SHOX: variants seen among roughly 807,000 people sequenced by gnomAD.
SHOX encodes the protein SHOX homeobox.
SHOX carries 12 observed loss-of-function variants against 29.6 expected under a neutral mutation model. The observed-to-expected ratio is 0.41, with a 90% CI of 0.26 to 0.66. The LOEUF (loss-of-function observed/expected upper bound fraction) is 0.66, where lower values mean the gene tolerates loss of function less well. Among genes scored for constraint, SHOX ranks in the 30% least tolerant of loss-of-function variants. The probability of loss-of-function intolerance (pLI) is 0.35; values close to 1 mark genes in which losing one functional copy is unlikely to be tolerated. For synonymous variants in SHOX, 214 were observed against 200.6 expected (o/e 1.07, Z -0.57); for missense variants, 499 against 437.7 (o/e 1.14, Z -1.25).
chrX:652,882 C>CCTTGACCAAG (rs111482286), downstream of SHOX, among the ~76,000 whole-genome samples: 121,298 of 151,648 alleles, frequency 0.8, 48,683 homozygotes, highest in East Asian at 0.87. Flanking sequence ...CCATCTCCAG[C>CCTTGACCAAG]CTGTTTTTTA....
downstream of SHOX, among the ~76,000 whole-genome samples, chrX:656,460 G>A (rs1453756181): frequency 6.7e-6 from 1 of 149,658 alleles, no homozygotes; most frequent in African/African-American, 2.5e-5. Flanking sequence ...CTGTAATCCC[G>A]GTACTCTGGG....
downstream of SHOX, among the ~76,000 whole-genome samples, chrX:655,769 C>T (rs2053138563): frequency 1.3e-5 from 2 of 151,854 alleles, no homozygotes; most frequent in East Asian, 1.9e-4. Flanking sequence ...GAGAAACAAA[C>T]TCAATCTGTT....
chrX:656,944 C>T (rs28476508), intron 5 of SHOX, among the ~76,000 whole-genome samples: 3,999 of 16,746 alleles, frequency 0.24, 566 homozygotes, highest in Middle Eastern at 0.4. Context: ...AAAAAAAATG[C>T]TGCCCAAGCT....
intron 2 of SHOX, 35 bp from the exon 3 acceptor site, chrX:640,786 A>G: frequency 8.7e-6 from 14 of 1,613,226 alleles, no homozygotes; most frequent in Non-Finnish European, 1.1e-5. Flanking sequence ...CTGGGTTCAC[A>G]GGGCTCTTCA....
At chrX:644,074 G>A (rs1404799775) in intron 4 of SHOX, among the ~76,000 whole-genome samples, 4 of 152,070 alleles carry the variant, frequency 2.6e-5, no homozygotes, top group Admixed American at 6.5e-5. Flanking sequence ...GTGAGCCAAA[G>A]TCCCTGAATC....
chrX:630,794 A>G lies in SHOX; in HGVS notation c.-104A>G. 7.1e-7 allele frequency: 1 copy of G among 1,409,446 alleles called. No individual in the cohort carries two copies. Among genetic ancestry groups the G allele is most frequent in the Non-Finnish European group, 1.0e-6 (1 of 1,003,702 alleles). The allele number at this position is 1,409,446 out of a possible 1,614,324, so 87.3% of individuals were successfully genotyped here. ...GTGAGATTTCCAATGGAAAGGCGTA[A>G]ATAACAGCGCTGGTGATCCACCCGC... is the stretch of plus-strand genomic sequence containing the variant. On this transcript the variant is annotated 5_prime_UTR_variant, in exon 1 of 5. Coordinates refer to ENST00000686671, the MANE Select transcript of SHOX (RefSeq NM_000451.4).
chrX:644,404 T>G lies in SHOX; in HGVS notation c.647T>G (p.Leu216Arg). The G allele has an allele frequency of 6.6e-7, 1 of 1,522,708 alleles. No homozygotes were observed. Among genetic ancestry groups the G allele is most frequent in the Non-Finnish European group, 8.8e-7 (1 of 1,142,634 alleles). 94.3% of individuals were successfully genotyped at this position (1,522,708 alleles called of 1,614,324 possible). A position where few individuals can be genotyped will look rare whatever the true frequency, so the allele number is the denominator to read the frequency against. Residue 216 changes from leucine (L) to arginine (R), a missense_variant, in exon 5 of 5, where the codon CTG becomes CGG. Physicochemically the swap from Leu to Arg is moderately radical, Grantham distance 102. Transcript: ENST00000686671. ...CCGCTCCCGCAGGTCCAGGCTCAGC[T>G]GCAGCTGGAAGGCGTGGCCCACGCG... ...RMPFQQVQAQ[L>R]QLEGVAHAHP...
chrX:625,100 T>TCCCTCCCTCC, intron 1 of SHOX, among the ~76,000 whole-genome samples: 4 of 120,672 alleles, frequency 3.3e-5, no homozygotes, highest in South Asian at 2.9e-4. Flanking sequence ...CCTCCTTCCC[T>TCCCTCCCTCC]TTCTTTCTTC....
At chrX:643,744 G>C (rs2052909488) in intron 4 of SHOX, among the ~76,000 whole-genome samples, 1 of 135,260 alleles carries the variant, frequency 7.4e-6, no homozygotes, top group East Asian at 2.2e-4. Context: ...TTGGGGACCT[G>C]GTGACCCGGG....
intron 2 of SHOX, among the ~76,000 whole-genome samples, chrX:638,106 G>C (rs780296460): frequency 2.6e-5 from 4 of 152,302 alleles, no homozygotes; most frequent in Non-Finnish European, 5.9e-5. Context: ...AAAGCGGGGA[G>C]TGCTCTTTAA....
At chrX:625,854 ATC>A (rs1346974475), upstream of SHOX, among the ~76,000 whole-genome samples, 6 of 84,664 alleles carry the variant, frequency 7.1e-5, no homozygotes, top group Non-Finnish European at 1.2e-4. Context: ...CTGTCTCTGT[ATC>A]TCTGTCTATC....
chrX:659,329 C>G (rs2053194923), exon 6 of SHOX: 1 of 152,108 alleles, frequency 6.6e-6, no homozygotes, highest in Admixed American at 6.6e-5. Flanking sequence ...TCCAAAGATC[C>G]TCTCACCTCC....
chrX:650,809 A>AAAAAAC lies in SHOX; in HGVS notation c.*6178_*6179insCAAAAA, dbSNP rs1556473201. Among the ~76,000 whole-genome samples, 103 of 148,520 alleles carry AAAAAAC rather than the reference A, an allele frequency of 6.9e-4. 2 individuals are homozygous for AAAAAAC. Among genetic ancestry groups the AAAAAAC allele is most frequent in the Non-Finnish European group, 1.3e-3 (87 of 67,436 alleles). On this transcript the variant is annotated 3_prime_UTR_variant, in exon 5 of 5. Coordinates refer to ENST00000686671, the MANE Select transcript of SHOX (RefSeq NM_000451.4). ...TTTGACATTAAAAAAAAAAAAAAAA[A>AAAAAAC]AAAAAAAAAACTGGTGCCTAATTTA... is the stretch of plus-strand genomic sequence containing the variant.
upstream of SHOX, among the ~76,000 whole-genome samples, chrX:626,585 G>GTCTCTCTCCTCTC (rs1569492224): frequency 2.2e-3 from 52 of 23,204 alleles, 2 homozygotes; most frequent in African/African-American, 9.5e-3. Context: ...CTGTATCTCT[G>GTCTCTCTCCTCTC]TCTGTCTCTG....
downstream of SHOX, among the ~76,000 whole-genome samples, chrX:652,792 T>C (rs1201917693): frequency 6.6e-6 from 1 of 152,170 alleles, no homozygotes; most frequent in Non-Finnish European, 1.5e-5. Flanking sequence ...ACCCAGCCTG[T>C]GTGTGTCTTG....
upstream of SHOX, among the ~76,000 whole-genome samples, chrX:627,035 A>G (rs1235699403): frequency 7.1e-6 from 1 of 140,982 alleles, no homozygotes; most frequent in African/African-American, 2.6e-5. Flanking sequence ...CTGTCTCTCT[A>G]TCTCTGTGAC....
chrX:625,199 TCC>T (rs1156416005), intron 1 of SHOX, among the ~76,000 whole-genome samples: 9 of 117,884 alleles, frequency 7.6e-5, no homozygotes, highest in African/African-American at 2.6e-4. Flanking sequence ...CTCCTCCTCC[TCC>T]TTCTCCTCCT....
At chrX:657,595 T>A (rs1388384549) in intron 5 of SHOX, among the ~76,000 whole-genome samples, 2 of 152,164 alleles carry the variant, frequency 1.3e-5, no homozygotes, top group African/African-American at 4.8e-5. Flanking sequence ...ATGTATGTTT[T>A]ATCATAAAAG....
upstream of SHOX, among the ~76,000 whole-genome samples, chrX:626,913 G>C (rs905154795): frequency 3.4e-5 from 5 of 146,116 alleles, no homozygotes. Flanking sequence ...GTCTCTCTCT[G>C]TGTCTCTACC....
Sources: gnomAD v4.1 joint callset for allele counts (sites outside exome capture counted in the v4.1 genomes callset) on GRCh38, gnomAD v4.1.1 for gene constraint, MANE v1.5 for transcripts, NCBI Gene and HGNC (gene_info 2026-07-23, HGNC 2026-07-21) for gene names.